Variants in SPRY3 observed in about 807,000 individuals in gnomAD.
The protein encoded by SPRY3 is protein sprouty homolog 3.
In SPRY3, 15 loss-of-function variants were observed where a neutral mutation model predicts 20.2. The ratio of observed to expected loss-of-function variants is 0.74; its 90% CI spans 0.50 to 1.14. The LOEUF (loss-of-function observed/expected upper bound fraction) is 1.14, where lower values mean the gene tolerates loss of function less well. Among genes scored for constraint, SPRY3 ranks in the 50% most tolerant of loss-of-function variants. The pLI is 0.00. For synonymous variants in SPRY3, 143 were observed against 136.5 expected, an observed-to-expected ratio of 1.05 and a Z score of -0.33; for missense variants, 364 against 363.9, an observed-to-expected ratio of 1.00 and a Z score of 0.00.
intron 2 of SPRY3, among the ~76,000 whole-genome samples, chrX:155,714,933 A>G: frequency 6.6e-6 from 1 of 152,132 alleles, no homozygotes; most frequent in South Asian, 2.1e-4. Flanking sequence ...CCATCAGCTT[A>G]TGGTGAATGC....
At chrX:155,657,528 T>C (rs1229891708) in intron 2 of SPRY3, among the ~76,000 whole-genome samples, 2 of 112,093 alleles carry the variant, frequency 1.8e-5, no homozygotes, top group Non-Finnish European at 3.8e-5. Flanking sequence ...TTCAAGCCAT[T>C]AGTTCTTAGC....
At chrX:155,628,361 G>A (rs1273009393) in intron 1 of SPRY3, among the ~76,000 whole-genome samples, 1 of 112,076 alleles carries the variant, frequency 8.9e-6, no homozygotes, top group Admixed American at 9.5e-5. Flanking sequence ...AAGAGCTTCT[G>A]CACAGGAAAA....
intron 1 of SPRY3, among the ~76,000 whole-genome samples, chrX:155,616,134 T>TCTCTC (rs1557348871): frequency 4.1e-4 from 24 of 58,429 alleles, no homozygotes; most frequent in Non-Finnish European, 6.7e-4. Flanking sequence ...CTCTCTCCTC[T>TCTCTC]CTCTCTCTCT....
intron 2 of SPRY3, 33 bp from the exon 2 acceptor site, chrX:155,767,929 G>GTT (rs1157300663): frequency 5.2e-5 from 8 of 153,038 alleles, no homozygotes; most frequent in African/African-American, 1.7e-4. Context: ...GTTTTGTTTT[G>GTT]TTTTGTTTTG....
At chrX:155,653,840 C>T (rs1259127877) in intron 1 of SPRY3, among the ~76,000 whole-genome samples, 1 of 111,809 alleles carries the variant, frequency 8.9e-6, no homozygotes, top group African/African-American at 3.2e-5. Context: ...TTCCTACTCT[C>T]ATGCTTAGCA....
At chrX:155,762,602 A>T (rs1474036590) in intron 2 of SPRY3, among the ~76,000 whole-genome samples, 2 of 152,176 alleles carry the variant, frequency 1.3e-5, no homozygotes, top group Non-Finnish European at 2.9e-5. Flanking sequence ...CAAATAAAAG[A>T]GAAATCAGGA....
At chrX:155,624,240 C>T (rs782763591) in intron 1 of SPRY3, among the ~76,000 whole-genome samples, 77 of 111,536 alleles carry the variant, frequency 6.9e-4, no homozygotes, top group Non-Finnish European at 1.2e-3. Flanking sequence ...TCAATTAATG[C>T]GCCTCTTCTC....
At chrX:155,716,981 A>AATATATATATATATAT (rs749530944) in intron 2 of SPRY3, among the ~76,000 whole-genome samples, 919 of 63,064 alleles carry the variant, frequency 0.015, 9 homozygotes, top group Non-Finnish European at 0.019. Flanking sequence ...TAAAATACAA[A>AATATATATATATATAT]ATATATATAT....
At chrX:155,632,943 A>G (rs781946098) in intron 1 of SPRY3, among the ~76,000 whole-genome samples, 5 of 111,064 alleles carry the variant, frequency 4.5e-5, no homozygotes, top group Non-Finnish European at 9.4e-5. Context: ...GAGTGCCCTG[A>G]TATCAGTCAG....
chrX:155,612,699 C>T (rs1355343370), intron 1 of SPRY3, 52 bp downstream of exon 1: 2 of 112,812 alleles, frequency 1.8e-5, no homozygotes, highest in Admixed American at 1.9e-4. Context: ...CCTCCGCCGC[C>T]CACTGCGACA....
intron 2 of SPRY3, among the ~76,000 whole-genome samples, chrX:155,723,064 AG>A (rs2091071780): frequency 1.3e-5 from 2 of 152,010 alleles, no homozygotes; most frequent in Admixed American, 1.3e-4. Context: ...TACTTTGCTC[AG>A]AATGATGGTT....
chrX:155,762,243 T>C (rs1452828067), intron 2 of SPRY3, among the ~76,000 whole-genome samples: 2 of 152,168 alleles, frequency 1.3e-5, no homozygotes, highest in African/African-American at 4.8e-5. Context: ...GTTTATCTTA[T>C]GAAAATCACA....
chrX:155,774,770 C>G, exon 4 of SPRY3: 1 of 1,582,094 alleles, frequency 6.3e-7, no homozygotes, highest in Non-Finnish European at 8.6e-7. Flanking sequence ...GAGCTTTTCT[C>G]CTTCGAGTCC....
intron 3 of SPRY3, 22 bp from the exon 3 acceptor site, chrX:155,773,744 G>C: frequency 8.7e-7 from 1 of 1,148,046 alleles, no homozygotes; most frequent in Non-Finnish European, 1.3e-6. Context: ...CTCATTTACT[G>C]TTTTTATGCC....
downstream of SPRY3, chrX:155,780,202 C>G (rs185031623): frequency 1.8e-5 from 3 of 167,112 alleles, no homozygotes; most frequent in East Asian, 3.9e-4. Context: ...CCTGGCAATC[C>G]TTTTGACCAT....
At chrX:155,732,720 T>C (rs2091142049) in intron 2 of SPRY3, among the ~76,000 whole-genome samples, 1 of 152,076 alleles carries the variant, frequency 6.6e-6, no homozygotes, top group Non-Finnish European at 1.5e-5. Flanking sequence ...TGCAGCACTA[T>C]TCACAATAGT....
intron 2 of SPRY3, among the ~76,000 whole-genome samples, chrX:155,727,154 G>A (rs898428838): frequency 4.6e-5 from 7 of 152,124 alleles, no homozygotes; most frequent in South Asian, 4.1e-4. Flanking sequence ...GGCTTGTAGG[G>A]TTTCTGCCAA....
intron 3 of SPRY3, among the ~76,000 whole-genome samples, chrX:155,769,940 CAG>C (rs1266616667): frequency 6.6e-6 from 1 of 152,080 alleles, no homozygotes; most frequent in Non-Finnish European, 1.5e-5. Context: ...GCTTTTTGCA[CAG>C]AGAGGGATTT....
At chrX:155,749,136 A>C (rs1470411122) in intron 2 of SPRY3, among the ~76,000 whole-genome samples, 1 of 151,958 alleles carries the variant, frequency 6.6e-6, no homozygotes, top group Non-Finnish European at 1.5e-5. Context: ...TTTTACAAAA[A>C]AGGAAGTAAT....
Sources: gnomAD v4.1 joint callset for allele counts (sites outside exome capture counted in the v4.1 genomes callset) on GRCh38, gnomAD v4.1.1 for gene constraint, MANE v1.5 for transcripts, NCBI Gene and HGNC (gene_info 2026-07-23, HGNC 2026-07-21) for gene names.